Variants in MSRB3 observed in about 807,000 individuals in gnomAD.
The protein encoded by MSRB3 is methionine sulfoxide reductase B3.
Under a neutral mutation model 21.0 loss-of-function variants are expected in MSRB3, and 13 were observed. That is an observed-to-expected ratio of 0.62 (90% CI 0.40 to 0.98). The LOEUF is 0.98. Among genes scored for constraint, MSRB3 ranks in the 50% least tolerant of loss-of-function variants. The probability of loss-of-function intolerance (pLI) is 0.00; values close to 1 mark genes in which losing one functional copy is unlikely to be tolerated. For synonymous variants in MSRB3, 87 were observed against 88.6 expected, an observed-to-expected ratio of 0.98 and a Z score of 0.10; for missense variants, 199 against 230.3, an observed-to-expected ratio of 0.86 and a Z score of 0.88.
At chr12:65,299,638 G>T (rs375089496) in intron 1 of MSRB3, among the ~76,000 whole-genome samples, 27 of 152,268 alleles carry the variant, frequency 1.8e-4, no homozygotes, top group Admixed American at 5.2e-4. Context: ...ATTTCAGGGG[G>T]TTCTATTACT....
chr12:65,411,107 A>G (rs1381510615), intron 5 of MSRB3, among the ~76,000 whole-genome samples: 1 of 152,194 alleles, frequency 6.6e-6, no homozygotes, highest in Non-Finnish European at 1.5e-5. Flanking sequence ...AAAGCTCAGT[A>G]AATAGAGGCC....
intron 5 of MSRB3, among the ~76,000 whole-genome samples, chr12:65,420,553 T>A (rs1176808911): frequency 6.6e-6 from 1 of 152,148 alleles, no homozygotes; most frequent in Non-Finnish European, 1.5e-5. Context: ...AGGGGCTTGC[T>A]GTACAGAGTA....
chr12:65,345,025 G>C (rs1165171572), intron 4 of MSRB3, among the ~76,000 whole-genome samples: 1 of 152,006 alleles, frequency 6.6e-6, no homozygotes, highest in Non-Finnish European at 1.5e-5. Context: ...GATGTCAGTA[G>C]TCATGCAACA....
At chr12:65,459,623 C>A (rs1234921802) in intron 6 of MSRB3, among the ~76,000 whole-genome samples, 1 of 152,120 alleles carries the variant, frequency 6.6e-6, no homozygotes, top group African/African-American at 2.4e-5. Context: ...CCCATCCTGC[C>A]CCATGTGTCC....
At chr12:65,415,598 G>A (rs1880928080) in intron 5 of MSRB3, among the ~76,000 whole-genome samples, 1 of 152,252 alleles carries the variant, frequency 6.6e-6, no homozygotes, top group South Asian at 2.1e-4. Flanking sequence ...ATAAGCATTT[G>A]TTGAACTGGT....
intron 5 of MSRB3, among the ~76,000 whole-genome samples, chr12:65,394,878 A>G (rs1879691644): frequency 6.6e-6 from 1 of 152,234 alleles, no homozygotes; most frequent in Admixed American, 6.5e-5. Context: ...CTTTCATGAT[A>G]AACACACTCA....
At chr12:65,338,824 T>G (rs767334813) in intron 4 of MSRB3, among the ~76,000 whole-genome samples, 7 of 152,132 alleles carry the variant, frequency 4.6e-5, no homozygotes, top group Non-Finnish European at 8.8e-5. Flanking sequence ...CCTGTAATTC[T>G]AGCACTTTGG....
intron 5 of MSRB3, among the ~76,000 whole-genome samples, chr12:65,435,684 G>C (rs1201541846): frequency 6.6e-6 from 1 of 151,804 alleles, no homozygotes; most frequent in East Asian, 1.9e-4. Flanking sequence ...ATTTTGTGGA[G>C]ATTTCTAGGA....
At chr12:65,428,902 A>G (rs983267344) in intron 5 of MSRB3, among the ~76,000 whole-genome samples, 2 of 152,110 alleles carry the variant, frequency 1.3e-5, no homozygotes. Flanking sequence ...TCCCCATAAG[A>G]TAGACATGGG....
At chr12:65,451,826 T>C (rs1313351043) in intron 5 of MSRB3, among the ~76,000 whole-genome samples, 1 of 152,228 alleles carries the variant, frequency 6.6e-6, no homozygotes, top group Non-Finnish European at 1.5e-5. Flanking sequence ...TTATCTCATT[T>C]GCTTATTTAA....
chr12:65,422,414 A>T (rs1359963479), intron 5 of MSRB3, among the ~76,000 whole-genome samples: 2 of 42,600 alleles, frequency 4.7e-5, no homozygotes, highest in African/African-American at 1.4e-4. Flanking sequence ...ATATATATAT[A>T]TATATATATA....
chr12:65,369,486 A>T (rs1275509290), intron 5 of MSRB3, among the ~76,000 whole-genome samples: 2 of 152,176 alleles, frequency 1.3e-5, no homozygotes, highest in African/African-American at 4.8e-5. Context: ...AAAAAGTTTT[A>T]TTGCTAGATG....
chr12:65,461,623 G>T (rs1238367628), intron 6 of MSRB3, among the ~76,000 whole-genome samples: 2 of 152,122 alleles, frequency 1.3e-5, no homozygotes. Flanking sequence ...GTTCAACAGG[G>T]AAACTAAGAT....
At chr12:65,422,177 A>G (rs1384091394) in intron 5 of MSRB3, among the ~76,000 whole-genome samples, 2 of 151,932 alleles carry the variant, frequency 1.3e-5, no homozygotes, top group African/African-American at 2.4e-5. Flanking sequence ...ATAAGACCTA[A>G]CTATTCCAAA....
At chr12:65,440,354 T>C (rs952410908) in intron 5 of MSRB3, among the ~76,000 whole-genome samples, 2 of 151,758 alleles carry the variant, frequency 1.3e-5, no homozygotes, top group Non-Finnish European at 2.9e-5. Context: ...TAACAATAGA[T>C]ATAGAAGAAT....
chr12:65,373,262 A>C (rs921214298), intron 5 of MSRB3, among the ~76,000 whole-genome samples: 1 of 152,242 alleles, frequency 6.6e-6, no homozygotes, highest in Non-Finnish European at 1.5e-5. Flanking sequence ...GGTGGAATTT[A>C]CTAGTCACTA....
intron 4 of MSRB3, among the ~76,000 whole-genome samples, chr12:65,338,855 G>T (rs2136469358): frequency 6.6e-6 from 1 of 152,204 alleles, no homozygotes; most frequent in East Asian, 1.9e-4. Flanking sequence ...TAGGCAGATT[G>T]CCTGAGCTCA....
Position 65,464,312 on chromosome 12 carries a change from C to T in MSRB3, c.*990C>T, listed in dbSNP as rs1465640353. 6.6e-6 allele frequency: 1 copy of T among 152,114 alleles called. No individual in the cohort carries two copies. Among genetic ancestry groups the T allele is most frequent in the Non-Finnish European group, 1.5e-5 (1 of 68,072 alleles). 9.4% of individuals were successfully genotyped at this position (152,114 alleles called of 1,614,324 possible). A position where few individuals can be genotyped will look rare whatever the true frequency, so the allele number is the denominator to read the frequency against. On this transcript the variant is annotated 3_prime_UTR_variant, in exon 7 of 7. Transcript: ENST00000308259. ...AATAACAATATAAGAACTAGCTGGG[C>T]ATGGTGGCGCATGCATGTAGTCCCA... is the stretch of plus-strand genomic sequence containing the variant.
At chr12:65,320,271 C>T (rs1874578317) in intron 2 of MSRB3, among the ~76,000 whole-genome samples, 1 of 152,058 alleles carries the variant, frequency 6.6e-6, no homozygotes, top group Admixed American at 6.6e-5. Context: ...TTTCTGAGTC[C>T]TAGAACTCAT....
Sources: gnomAD v4.1 joint callset for allele counts (sites outside exome capture counted in the v4.1 genomes callset) on GRCh38, gnomAD v4.1.1 for gene constraint, MANE v1.5 for transcripts, NCBI Gene and HGNC (gene_info 2026-07-23, HGNC 2026-07-21) for gene names.